The following RUNDC3B variants were observed in gnomAD, a reference collection of about 807,000 sequenced individuals.
RUNDC3B encodes the protein RUN domain containing 3B.
In RUNDC3B, 33 loss-of-function variants were observed where a neutral mutation model predicts 58.4. That is an observed-to-expected ratio of 0.56 (90% CI 0.43 to 0.75). The LOEUF (loss-of-function observed/expected upper bound fraction) is 0.75. Among genes scored for constraint, RUNDC3B ranks in the 30% least tolerant of loss-of-function variants. RUNDC3B has a pLI of 0.00. For synonymous variants in RUNDC3B, 193 were observed against 195.2 expected, an observed-to-expected ratio of 0.99 and a Z score of 0.10; for missense variants, 501 against 535.7, an observed-to-expected ratio of 0.94 and a Z score of 0.64.
intron 4 of RUNDC3B, among the ~76,000 whole-genome samples, chr7:87,726,818 G>T (rs572366459): frequency 9.6e-4 from 146 of 152,226 alleles, no homozygotes; most frequent in Non-Finnish European, 1.5e-3. Context: ...TTGTAAGTTG[G>T]ATTCCTAAGT....
intron 2 of RUNDC3B, among the ~76,000 whole-genome samples, chr7:87,654,003 A>C (rs904506338): frequency 6.6e-6 from 1 of 152,046 alleles, no homozygotes. Context: ...TATTTCTCTA[A>C]GTTAGTTTGC....
intron 2 of RUNDC3B, 74 bp downstream of exon 2, chr7:87,651,011 C>T: frequency 4.7e-6 from 4 of 858,440 alleles, no homozygotes; most frequent in Non-Finnish European, 5.7e-6. Flanking sequence ...AGAAATCATA[C>T]AGTCTGTGTG....
intron 5 of RUNDC3B, 125 bp from the exon 6 acceptor site, chr7:87,741,374 C>T (rs1438319516): frequency 1.8e-6 from 1 of 540,562 alleles, no homozygotes; most frequent in Non-Finnish European, 3.2e-6. Context: ...AATTAAATTG[C>T]AAACAAAAAA....
At chr7:87,725,627 A>G (rs541167787) in intron 4 of RUNDC3B, among the ~76,000 whole-genome samples, 17 of 152,286 alleles carry the variant, frequency 1.1e-4, no homozygotes, top group Admixed American at 3.9e-4. Flanking sequence ...GGCTGGGTCA[A>G]ATGGTATTTC....
chr7:87,673,549 A>G (rs567083553), intron 2 of RUNDC3B, among the ~76,000 whole-genome samples: 11 of 152,294 alleles, frequency 7.2e-5, no homozygotes, highest in African/African-American at 2.6e-4. Flanking sequence ...CGAAGTGTGC[A>G]TGTCTATCAG....
chr7:87,720,637 T>C (rs1225581218), intron 4 of RUNDC3B, among the ~76,000 whole-genome samples: 1 of 151,418 alleles, frequency 6.6e-6, no homozygotes, highest in Non-Finnish European at 1.5e-5. Context: ...AGTCTCACTC[T>C]GTCACCCAGG....
Position 87,752,270 on chromosome 7 carries a change from T to G in RUNDC3B, c.629+10691T>G, listed in dbSNP as rs569971678. On this transcript the variant is annotated intron_variant, in intron 6 of 10. Coordinates refer to ENST00000394654, the MANE Select transcript of RUNDC3B (RefSeq NM_001134405.2). ...AGCTTTTTGATGTGCTGCTGGATTC[T>G]GTTTGCCAGTATTTTATTGAGGATT... 8.3e-4 allele frequency among the ~76,000 whole-genome samples: 127 copies of G among 152,222 alleles called. 1 individual carries two copies. Among genetic ancestry groups the G allele is most frequent in the African/African-American group, 1.6e-3 (66 of 41,544 alleles).
At chr7:87,697,702 C>G (rs978838259) in intron 2 of RUNDC3B, among the ~76,000 whole-genome samples, 5 of 152,182 alleles carry the variant, frequency 3.3e-5, no homozygotes, top group South Asian at 2.1e-4. Flanking sequence ...ATGCACTAGA[C>G]TCTTTGCTAC....
intron 2 of RUNDC3B, among the ~76,000 whole-genome samples, chr7:87,661,043 G>A (rs1824653097): frequency 1.3e-5 from 2 of 151,826 alleles, no homozygotes; most frequent in South Asian, 4.2e-4. Context: ...TTTTTCAAAT[G>A]TTATTTACAT....
chr7:87,753,021 A>T (rs993243202), intron 6 of RUNDC3B, among the ~76,000 whole-genome samples: 1 of 152,048 alleles, frequency 6.6e-6, no homozygotes, highest in African/African-American at 2.4e-5. Context: ...TTAGTGCTAT[A>T]AATTTCCCTC....
intron 3 of RUNDC3B, chr7:87,709,590 T>C (rs1829889730): frequency 1.2e-6 from 1 of 843,416 alleles, no homozygotes; most frequent in Admixed American, 6.2e-5. Context: ...GCCTGACAGG[T>C]TTTAACTACT....
Position 87,725,888 on chromosome 7 carries a change from T to A in RUNDC3B, c.459-13903T>A, listed in dbSNP as rs550076104. Among the ~76,000 whole-genome samples the A allele has an allele frequency of 3.3e-5, 5 of 152,346 alleles. No individual in the cohort carries two copies. In the East Asian group the frequency reaches 9.6e-4, roughly 29 times the overall value. On this transcript the variant is annotated intron_variant, in intron 4 of 10. Coordinates refer to ENST00000394654, the MANE Select transcript of RUNDC3B (RefSeq NM_001134405.2). ...GTGTCTGTTGGCTGCATAAATGTCT[T>A]CTTTTGAGAAGTGTCTGTTCATATC... is the stretch of plus-strand genomic sequence containing the variant.
At chr7:87,738,779 G>A (rs1450896248) in intron 4 of RUNDC3B, among the ~76,000 whole-genome samples, 1 of 151,806 alleles carries the variant, frequency 6.6e-6, no homozygotes, top group Non-Finnish European at 1.5e-5. Context: ...CAAGTATCAA[G>A]TAATATGTTT....
At chr7:87,653,158 G>C (rs1262082747) in intron 2 of RUNDC3B, among the ~76,000 whole-genome samples, 1 of 152,010 alleles carries the variant, frequency 6.6e-6, no homozygotes, top group Non-Finnish European at 1.5e-5. Context: ...CTAGGATATA[G>C]CTGAGAAATA....
chr7:87,632,408 A>G (rs998560988), intron 1 of RUNDC3B, among the ~76,000 whole-genome samples: 1 of 152,160 alleles, frequency 6.6e-6, no homozygotes, highest in African/African-American at 2.4e-5. Context: ...TTTTTAGTGA[A>G]CATTTACATG....
chr7:87,750,907 G>T (rs1354866422), intron 6 of RUNDC3B, among the ~76,000 whole-genome samples: 4 of 151,884 alleles, frequency 2.6e-5, no homozygotes, highest in Non-Finnish European at 2.9e-5. Context: ...GTCAATTTTG[G>T]CTTTTGTTGC....
At chr7:87,632,415 C>T (rs1821313950) in intron 1 of RUNDC3B, among the ~76,000 whole-genome samples, 1 of 152,108 alleles carries the variant, frequency 6.6e-6, no homozygotes, top group Admixed American at 6.5e-5. Context: ...TGAACATTTA[C>T]ATGTTGTAGA....
In RUNDC3B at chr7:87,823,005, T is replaced by A. The variant is rs182692860; in HGVS notation, c.1225+6743T>A. 3.9e-5 allele frequency among the ~76,000 whole-genome samples: 6 copies of A among 152,102 alleles called. No individual in the cohort carries two copies. In the East Asian group the frequency reaches 7.7e-4, roughly 20 times the overall value. ...TATACATATGTAACAAACCTGCACATTTTACACATGTACCCTAAAACTTAA... is the reference window on the plus strand; with the variant it reads ...TATACATATGTAACAAACCTGCACAATTTACACATGTACCCTAAAACTTAA... On this transcript the variant is annotated intron_variant, in intron 10 of 10. Transcript: ENST00000394654.
intron 8 of RUNDC3B, among the ~76,000 whole-genome samples, chr7:87,782,463 T>G (rs1834980595): frequency 6.6e-6 from 1 of 152,102 alleles, no homozygotes. Context: ...TGTGTCTCAG[T>G]TTTGTTCAGT....
Sources: gnomAD v4.1 joint callset for allele counts (sites outside exome capture counted in the v4.1 genomes callset) on GRCh38, gnomAD v4.1.1 for gene constraint, MANE v1.5 for transcripts, NCBI Gene and HGNC (gene_info 2026-07-23, HGNC 2026-07-21) for gene names.